GPHN: variants seen among roughly 807,000 people sequenced by gnomAD.
The protein encoded by GPHN is gephyrin.
GPHN carries 17 observed loss-of-function variants against 95.5 expected under a neutral mutation model. That is an observed-to-expected ratio of 0.18 (90% CI 0.12 to 0.27). The LOEUF is 0.27. Among genes scored for constraint, GPHN ranks in the 10% least tolerant of loss-of-function variants. The pLI, the probability that GPHN is intolerant of heterozygous loss-of-function variation, is 1.00. For missense variants in GPHN, 660 were observed against 978.1 expected (o/e 0.67, Z 4.34); for synonymous variants, 320 against 322.5 (o/e 0.99, Z 0.08).
intron 19 of GPHN, among the ~76,000 whole-genome samples, chr14:67,163,461 AG>A (rs2082080028): frequency 6.6e-6 from 1 of 152,028 alleles, no homozygotes; most frequent in Admixed American, 6.6e-5. Flanking sequence ...AGGGTGCCAC[AG>A]GAAAAAAAAA....
the GPHN span, among the ~76,000 whole-genome samples, chr14:67,632,771 CTT>C: frequency 0.14 from 18,125 of 126,008 alleles, 1,141 homozygotes; most frequent in East Asian, 0.16. Context: ...AGGGAGGTCT[CTT>C]TCTTTATTTT....
chr14:66,914,839 C>G (rs977863937), intron 5 of GPHN, among the ~76,000 whole-genome samples: 12 of 152,074 alleles, frequency 7.9e-5, no homozygotes, highest in African/African-American at 2.9e-4. Context: ...AACAAAATTC[C>G]TAAGTAAACA....
the GPHN span, chr14:67,684,996 AAAGAGATAACAT>A: frequency 4.4e-6 from 7 of 1,586,632 alleles, no homozygotes; most frequent in Non-Finnish European, 5.1e-6. Flanking sequence ...TCATCTGCAA[AAAGAGATAACAT>A]TCATACCTGA....
the GPHN span, among the ~76,000 whole-genome samples, chr14:67,537,729 G>A: frequency 6.6e-6 from 1 of 152,158 alleles, no homozygotes; most frequent in African/African-American, 2.4e-5. Flanking sequence ...CCTCAAACTT[G>A]CCAGAGAGAT....
At chr14:67,441,505 C>T in the GPHN span, among the ~76,000 whole-genome samples, 30 of 152,270 alleles carry the variant, frequency 2.0e-4, no homozygotes, top group Admixed American at 1.1e-3. Flanking sequence ...AAACTCAGGC[C>T]GACTTCTCCA....
the GPHN span, chr14:67,722,853 T>G: frequency 1.3e-6 from 1 of 777,480 alleles, no homozygotes; most frequent in East Asian, 2.6e-5. Flanking sequence ...AAGGGGGTGT[T>G]GTGGATACCA....
intron 17 of GPHN, among the ~76,000 whole-genome samples, chr14:67,140,801 T>C (rs2080411284): frequency 6.6e-6 from 1 of 152,208 alleles, no homozygotes; most frequent in South Asian, 2.1e-4. Context: ...CACATGCATA[T>C]TGTGTAGTAT....
the GPHN span, among the ~76,000 whole-genome samples, chr14:67,257,152 G>A: frequency 1.3e-5 from 2 of 152,140 alleles, no homozygotes; most frequent in African/African-American, 2.4e-5. Context: ...GAGACAAATG[G>A]TTGCATTCTT....
At chr14:67,734,758 G>T in the GPHN span, among the ~76,000 whole-genome samples, 2 of 152,200 alleles carry the variant, frequency 1.3e-5, no homozygotes, top group Non-Finnish European at 2.9e-5. Flanking sequence ...TAGGAAATTT[G>T]AGTGCTGACG....
chr14:67,537,143 G>A, the GPHN span, among the ~76,000 whole-genome samples: 1 of 145,894 alleles, frequency 6.9e-6, no homozygotes, highest in South Asian at 2.2e-4. Context: ...CCAGGAGTTC[G>A]AGACCAGCCT....
At chr14:66,668,207 T>C (rs1054191085) in intron 1 of GPHN, among the ~76,000 whole-genome samples, 19 of 152,302 alleles carry the variant, frequency 1.2e-4, no homozygotes, top group African/African-American at 4.3e-4. Context: ...GTTCAGCCAT[T>C]GTGGAAGACA....
Position 66,551,698 on chromosome 14 carries a change from G to C in GPHN, c.64+43107G>C, listed in dbSNP as rs529497250. ...ACAGGCTGTACAGGAAGCATAGCTGGTGAGGCTTCAGGAAAATTTCAGTCA... is the reference window on the plus strand; with the variant it reads ...ACAGGCTGTACAGGAAGCATAGCTGCTGAGGCTTCAGGAAAATTTCAGTCA... On this transcript the variant is annotated intron_variant, in intron 1 of 22. Coordinates refer to ENST00000478722, the MANE Select transcript of GPHN (RefSeq NM_020806.5). Among the ~76,000 whole-genome samples the C allele has an allele frequency of 3.3e-5, 5 of 152,346 alleles. No individual in the cohort carries two copies. The South Asian group carries it at 1.0e-3, about 32-fold the overall frequency.
chr14:67,632,185 C>T, the GPHN span, among the ~76,000 whole-genome samples: 16 of 152,192 alleles, frequency 1.1e-4, no homozygotes, highest in Non-Finnish European at 1.9e-4. Flanking sequence ...CTATGCCCAG[C>T]AAAAACTTTA....
At chr14:66,683,367 T>TC (rs375267255) in intron 2 of GPHN, among the ~76,000 whole-genome samples, 4 of 18,908 alleles carry the variant, frequency 2.1e-4, no homozygotes, top group African/African-American at 6.5e-4. Context: ...TATATATATA[T>TC]ATATATATAT....
intron 2 of GPHN, among the ~76,000 whole-genome samples, chr14:66,752,789 A>G (rs2058417343): frequency 6.6e-6 from 1 of 152,048 alleles, no homozygotes; most frequent in African/African-American, 2.4e-5. Flanking sequence ...CAGGTTGTGA[A>G]AAGCACAATA....
chr14:67,512,633 T>A, the GPHN span, among the ~76,000 whole-genome samples: 2 of 152,180 alleles, frequency 1.3e-5, no homozygotes, highest in African/African-American at 4.8e-5. Context: ...CCAGATCTGA[T>A]ACAGTTGCCG....
At chr14:67,199,061 C>G in the GPHN span, 5 of 818,466 alleles carry the variant, frequency 6.1e-6, no homozygotes, top group African/African-American at 8.4e-5. Flanking sequence ...GCTCTTTTGC[C>G]ATGGCTACCA....
intron 21 of GPHN, among the ~76,000 whole-genome samples, chr14:67,173,060 C>T (rs2082690842): frequency 6.6e-6 from 1 of 152,236 alleles, no homozygotes; most frequent in Admixed American, 6.5e-5. Flanking sequence ...ACAACTCAGC[C>T]ACCTGAACCC....
the GPHN span, chr14:67,729,313 G>A: frequency 6.2e-7 from 1 of 1,600,970 alleles, no homozygotes; most frequent in Non-Finnish European, 8.5e-7. Flanking sequence ...GGCACGGGAG[G>A]GGGCGCAGAC....
Sources: allele counts gnomAD v4.1 joint callset (sites outside exome capture counted in the v4.1 genomes callset), GRCh38; gene constraint gnomAD v4.1.1; transcripts MANE v1.5; gene names NCBI Gene and HGNC (gene_info 2026-07-23, HGNC 2026-07-21).